DPYD: variants seen among roughly 807,000 people sequenced by gnomAD.
The protein encoded by DPYD is dihydropyrimidine dehydrogenase.
DPYD carries 109 observed loss-of-function variants against 116.2 expected under a neutral mutation model. That is an observed-to-expected ratio of 0.94 (90% confidence interval 0.80 to 1.10). The LOEUF is 1.10. Among genes scored for constraint, DPYD ranks in the 50% least tolerant of loss-of-function variants. DPYD has a pLI of 0.00. For missense variants in DPYD, 1,302 were observed against 1,254.5 expected (o/e 1.04, Z -0.57); for synonymous variants, 440 against 432.0 (o/e 1.02, Z -0.23).
At chr1:97,907,969 A>G (rs1267941451) in intron 1 of DPYD, among the ~76,000 whole-genome samples, 1 of 152,008 alleles carries the variant, frequency 6.6e-6, no homozygotes, top group African/African-American at 2.4e-5. Flanking sequence ...AGGTTCTGGC[A>G]ATCCTTGTTA....
chr1:97,665,596 T>A (rs75206363), intron 8 of DPYD, among the ~76,000 whole-genome samples: 6 of 152,192 alleles, frequency 3.9e-5, no homozygotes, highest in Admixed American at 3.9e-4. Context: ...CATTTCTACC[T>A]AATCACATTA....
At chr1:97,320,216 T>C (rs898950682) in intron 16 of DPYD, among the ~76,000 whole-genome samples, 2 of 139,502 alleles carry the variant, frequency 1.4e-5, no homozygotes, top group African/African-American at 5.4e-5. Flanking sequence ...CAACATAGTG[T>C]TGGAAGTTCT....
At chr1:97,507,772 C>G (rs568199804) in intron 13 of DPYD, among the ~76,000 whole-genome samples, 10 of 152,120 alleles carry the variant, frequency 6.6e-5, no homozygotes, top group African/African-American at 2.2e-4. Flanking sequence ...AACGCAGGAG[C>G]AACTTCCTCT....
chr1:97,609,393 A>T (rs990839297), intron 8 of DPYD, among the ~76,000 whole-genome samples: 2 of 152,018 alleles, frequency 1.3e-5, no homozygotes, highest in Non-Finnish European at 1.5e-5. Flanking sequence ...AGAGAATCTA[A>T]TTCAGAAGGT....
intron 11 of DPYD, among the ~76,000 whole-genome samples, chr1:97,555,775 G>A (rs1367991232): frequency 6.6e-6 from 1 of 151,952 alleles, no homozygotes; most frequent in Non-Finnish European, 1.5e-5. Context: ...ACTATCAGAA[G>A]CCATTCTCTC....
chr1:97,553,342 A>G (rs1208689553), intron 11 of DPYD, among the ~76,000 whole-genome samples: 1 of 151,976 alleles, frequency 6.6e-6, no homozygotes, highest in Non-Finnish European at 1.5e-5. Context: ...CAGTGAAAAA[A>G]TCCACGTGCA....
At chr1:97,149,570 T>A (rs1654871591) in intron 20 of DPYD, among the ~76,000 whole-genome samples, 2 of 152,188 alleles carry the variant, frequency 1.3e-5, no homozygotes, top group Non-Finnish European at 2.9e-5. Flanking sequence ...TTTGTCTTTC[T>A]CCAGTGTCAT....
Position 97,224,720 on chromosome 1 carries a change from C to CT in DPYD, c.2442+10131dup, listed in dbSNP as rs79245859. On this transcript the variant is annotated intron_variant, in intron 19 of 22. Transcript: ENST00000370192. Reference sequence around the variant, plus strand: ...ACAGTTCTACTCTCTAAGTAGTCAACTTTTTTTTTTTTTAGATTCCACATA... The same window carrying CT: ...ACAGTTCTACTCTCTAAGTAGTCAACTTTTTTTTTTTTTTAGATTCCACATA... Among the ~76,000 whole-genome samples, 163 of 144,498 alleles carry CT rather than the reference C, an allele frequency of 1.1e-3. 1 individual carries two copies. The highest frequency in any genetic ancestry group is 9.7e-4 in the Admixed American group (14 of 14,372). The allele number at this position is 144,498 out of a possible 152,430, so 94.8% of individuals were successfully genotyped here. A position where few individuals can be genotyped will look rare whatever the true frequency, so the allele number is the denominator to read the frequency against.
At chr1:97,756,976 T>C (rs781513122) in intron 3 of DPYD, among the ~76,000 whole-genome samples, 31 of 152,160 alleles carry the variant, frequency 2.0e-4, no homozygotes, top group Admixed American at 1.7e-3. Context: ...TTTCCTCAAC[T>C]ACCCCCCACT....
chr1:97,283,603 T>A (rs1665469728), intron 18 of DPYD, among the ~76,000 whole-genome samples: 1 of 152,164 alleles, frequency 6.6e-6, no homozygotes, highest in Non-Finnish European at 1.5e-5. Context: ...AGTCTTTTAT[T>A]ATAACTCAAT....
rs564752104 is a variant in DPYD at position 97,290,478 on chromosome 1, C to A, written c.2299+14781G>T. 8.1e-3 allele frequency among the ~76,000 whole-genome samples: 1,227 copies of A among 151,898 alleles called. 6 individuals are homozygous for A. The highest frequency in any genetic ancestry group is 0.012 in the Non-Finnish European group (791 of 67,868). ...AACCAAAACAGCATGGTACTGGTACCAAAACAGAGATATAGATCAATGGAA... is the reference window on the plus strand; with the variant it reads ...AACCAAAACAGCATGGTACTGGTACAAAAACAGAGATATAGATCAATGGAA... On this transcript the variant is annotated intron_variant, in intron 18 of 22. Transcript: ENST00000370192.
At chr1:97,205,787 TAGAAACC>T (rs1189475036) in intron 19 of DPYD, among the ~76,000 whole-genome samples, 3 of 152,102 alleles carry the variant, frequency 2.0e-5, no homozygotes, top group African/African-American at 7.2e-5. Flanking sequence ...CAGCCTGTTG[TAGAAACC>T]CTACTGCTGG....
In DPYD at chr1:97,192,966, A is replaced by G. The variant is rs1287243103; in HGVS notation, c.2622+103T>C. 3.8e-6 allele frequency: 5 copies of G among 1,312,232 alleles called. No individual in the cohort carries two copies. The Admixed American group carries it at 8.7e-5, about 23-fold the overall frequency. 81.3% of individuals were successfully genotyped at this position (1,312,232 alleles called of 1,614,324 possible). A position where few individuals can be genotyped will look rare whatever the true frequency, so the allele number is the denominator to read the frequency against. On this transcript the variant is annotated intron_variant, in intron 20 of 22. Transcript: ENST00000370192. ...ACTGAAGAAATCACATCCAGGAGGCACTGTGTTTCCTTTGTTAGTGAGAAT... is the reference window on the plus strand; with the variant it reads ...ACTGAAGAAATCACATCCAGGAGGCGCTGTGTTTCCTTTGTTAGTGAGAAT...
intron 2 of DPYD, among the ~76,000 whole-genome samples, chr1:97,839,773 C>A (rs1432497580): frequency 1.3e-5 from 2 of 152,034 alleles, no homozygotes; most frequent in African/African-American, 4.8e-5. Context: ...CATTACTAGA[C>A]AATTCACCAC....
At chr1:97,504,457 T>A (rs1411720212) in intron 13 of DPYD, among the ~76,000 whole-genome samples, 2 of 151,922 alleles carry the variant, frequency 1.3e-5, no homozygotes, top group Non-Finnish European at 2.9e-5. Flanking sequence ...TTCAATATGG[T>A]CCCTTGGAAA....
chr1:97,219,669 T>C (rs1304444381), intron 19 of DPYD, among the ~76,000 whole-genome samples: 4 of 152,128 alleles, frequency 2.6e-5, no homozygotes, highest in Non-Finnish European at 4.4e-5. Context: ...AAAACCATTA[T>C]TTAAAAATGA....
chr1:97,187,095 T>C (rs1044903992), intron 20 of DPYD, among the ~76,000 whole-genome samples: 2 of 152,146 alleles, frequency 1.3e-5, no homozygotes, highest in East Asian at 1.9e-4. Flanking sequence ...ATAAACCCAA[T>C]AGTAGGATTG....
Position 97,750,493 on chromosome 1 carries a change from T to G in DPYD, c.234-10014A>C, listed in dbSNP as rs185430313. ...TCACAATGCTATATTGTTTGCGTTT[T>G]TTGCAATAAGTAAGTATAACTTACG... On this transcript the variant is annotated intron_variant, in intron 3 of 22. Transcript: ENST00000370192. Among the ~76,000 whole-genome samples, 166 of 152,318 alleles carry G rather than the reference T, an allele frequency of 1.1e-3. 4 individuals carry two copies. The East Asian group carries it at 0.028, about 26-fold the overall frequency.
At chr1:97,914,692 C>A (rs1017043971) in intron 1 of DPYD, among the ~76,000 whole-genome samples, 3 of 152,128 alleles carry the variant, frequency 2.0e-5, no homozygotes, top group African/African-American at 7.2e-5. Flanking sequence ...CTGAAACTTA[C>A]ACCAGTGGGC....
Sources: allele counts gnomAD v4.1 joint callset (sites outside exome capture counted in the v4.1 genomes callset), GRCh38; gene constraint gnomAD v4.1.1; transcripts MANE v1.5; gene names NCBI Gene and HGNC (gene_info 2026-07-23, HGNC 2026-07-21).